The following FBXO21 variants were observed in gnomAD, a reference collection of about 807,000 sequenced individuals.
The protein encoded by FBXO21 is F-box protein 21.
In FBXO21, 32 loss-of-function variants were observed where a neutral mutation model predicts 76.6. The ratio of observed to expected loss-of-function variants is 0.42; its 90% CI spans 0.32 to 0.56. The LOEUF is 0.56. Among genes scored for constraint, FBXO21 ranks in the 20% least tolerant of loss-of-function variants. The probability of loss-of-function intolerance (pLI) is 0.16; values close to 1 mark genes in which losing one functional copy is unlikely to be tolerated. For synonymous variants in FBXO21, 328 were observed against 311.5 expected, an observed-to-expected ratio of 1.05 and a Z score of -0.56; for missense variants, 586 against 797.3, an observed-to-expected ratio of 0.73 and a Z score of 3.19.
At chr12:117,179,463 T>C (rs532889754) in intron 3 of FBXO21, among the ~76,000 whole-genome samples, 1 of 152,260 alleles carries the variant, frequency 6.6e-6, no homozygotes, top group African/African-American at 2.4e-5. Context: ...CTTTTTTTTT[T>C]CCCTTGCATT....
rs1482531416 is a variant in FBXO21, at chr12:117,155,940, T to G, written c.1526A>C (p.Tyr509Ser). The G allele has an allele frequency of 6.2e-7, 1 of 1,614,106 alleles. No homozygotes were observed. Among genetic ancestry groups the G allele is most frequent in the Admixed American group, 1.7e-5 (1 of 60,024 alleles). The change falls in exon 11 of 12, where the codon TAT becomes TCT. Residue 509 changes from tyrosine to serine, a missense_variant. This residue lies in a region of FBXO21 where 164 missense variants were observed against 236.7 expected (regional missense o/e 0.69). Transcript: ENST00000622495. ...GTCCCAGCCGTAGATCACACAGTTATAGCCATACCTAGTTAACACAGGAGG... is the reference window on the plus strand; with the variant it reads ...GTCCCAGCCGTAGATCACACAGTTAGAGCCATACCTAGTTAACACAGGAGG... ...GLIMKHKRYG[Y>S]NCVIYGWDPT...
At position 117,186,571 on chromosome 12, in the gene FBXO21, C is replaced by G; in HGVS notation, c.376G>C (p.Val126Leu). 2 of 1,603,782 alleles carry G rather than the reference C, an allele frequency of 1.2e-6. No homozygotes were observed. Among genetic ancestry groups the G allele is most frequent in the Non-Finnish European group, 1.7e-6 (2 of 1,174,042 alleles). The change falls in exon 3 of 12, where the codon GTT becomes CTT. Residue 126 changes from valine to leucine, a missense_variant and splice_region_variant. Physicochemically the swap from Val to Leu is conservative, Grantham distance 32. Coordinates refer to ENST00000622495, the MANE Select transcript of FBXO21 (RefSeq NM_015002.3). ...SFSKRFFSEH[V>L]PCNGFSDIEN... ...ATGTCACTGAAGCCATTACAAGGAA[C>G]CTATGAAGAAGACATATACAAGTAG...
chr12:117,161,167 C>G (rs971847275), intron 9 of FBXO21, among the ~76,000 whole-genome samples: 1 of 152,018 alleles, frequency 6.6e-6, no homozygotes, highest in Non-Finnish European at 1.5e-5. Flanking sequence ...ACACAGGAAC[C>G]AGGGAAGGGG....
At chr12:117,181,680 C>G (rs1452219621) in intron 3 of FBXO21, among the ~76,000 whole-genome samples, 1 of 151,968 alleles carries the variant, frequency 6.6e-6, no homozygotes, top group African/African-American at 2.4e-5. Flanking sequence ...GACAGAGTCT[C>G]ACTTTGCCAC....
At chr12:117,158,864 T>TAA (rs1955946209) in intron 9 of FBXO21, among the ~76,000 whole-genome samples, 1 of 152,210 alleles carries the variant, frequency 6.6e-6, no homozygotes, top group Non-Finnish European at 1.5e-5. Flanking sequence ...ACTCCACGTT[T>TAA]AAAAAGACAC....
At chr12:117,157,846 G>A in intron 10 of FBXO21, 27 bp downstream of exon 10, 3 of 1,569,680 alleles carry the variant, frequency 1.9e-6, no homozygotes, top group Non-Finnish European at 1.7e-6. Flanking sequence ...AACGGACACT[G>A]CAGGACAGAT....
At chr12:117,158,121 T>G (rs781698629) in intron 9 of FBXO21, 58 bp from the exon 10 acceptor site, 1 of 1,603,040 alleles carries the variant, frequency 6.2e-7, no homozygotes, top group Non-Finnish European at 8.5e-7. Context: ...CTTTTCTTTT[T>G]TGCGGCGAGG....
rs117696101 is a variant in FBXO21, at chr12:117,153,269, C to T, written c.1675+2522G>A. On this transcript the variant is annotated intron_variant, in intron 11 of 11. Transcript: ENST00000622495. The stretch of plus-strand genomic sequence containing the variant: ...AGTGGGTGTGTAGACAGATGTATCG[C>T]GAGGGCAAGGGGAGAAGAGCAAGAC... 2.6e-3 allele frequency among the ~76,000 whole-genome samples: 398 copies of T among 151,936 alleles called. 11 individuals are homozygous for T. The highest frequency in any genetic ancestry group is 0.025 in the East Asian group (128 of 5,152).
chr12:117,182,985 C>T (rs150573190), intron 3 of FBXO21, among the ~76,000 whole-genome samples: 1 of 152,032 alleles, frequency 6.6e-6, no homozygotes, highest in African/African-American at 2.4e-5. Flanking sequence ...CCTAACTACT[C>T]GGGAGGCTGA....
chr12:117,154,463 G>A (rs1955887091), intron 11 of FBXO21, among the ~76,000 whole-genome samples: 1 of 152,204 alleles, frequency 6.6e-6, no homozygotes, highest in African/African-American at 2.4e-5. Flanking sequence ...AGAGCACACT[G>A]TAGCCTTCAC....
Position 117,157,969 on chromosome 12 carries a change from C to G in FBXO21, c.1421G>C (p.Arg474Pro). The G allele has an allele frequency of 6.2e-7, 1 of 1,614,206 alleles. No homozygotes were observed. Among genetic ancestry groups the G allele is most frequent in the Non-Finnish European group, 8.5e-7 (1 of 1,180,036 alleles). Residue 474 changes from arginine (R) to proline (P), a missense_variant, in exon 10 of 12, where the codon CGC becomes CCC. Transcript: ENST00000622495. ...CTCTACGCCCACCTCCTCCTTTTTG[C>G]GCTCAATGTGCTCTAGAGTGTGCTG... is the stretch of plus-strand genomic sequence containing the variant. ...LVQHTLEHIE[R>P]KKEEVGVEVK...
chr12:117,164,449 G>A (rs1482197401), intron 9 of FBXO21, among the ~76,000 whole-genome samples: 1 of 151,854 alleles, frequency 6.6e-6, no homozygotes, highest in Non-Finnish European at 1.5e-5. Flanking sequence ...GCTAATTTTT[G>A]TACTTTAGTA....
intron 11 of FBXO21, among the ~76,000 whole-genome samples, chr12:117,147,167 GGGA>G (rs1413462556): frequency 6.6e-6 from 1 of 151,662 alleles, no homozygotes; most frequent in Non-Finnish European, 1.5e-5. Context: ...GCTTGAACCT[GGGA>G]GGAGGAGGTT....
At chr12:117,190,093 G>T (rs1426255018) in intron 1 of FBXO21, 125 bp downstream of exon 1, 2 of 341,566 alleles carry the variant, frequency 5.9e-6, no homozygotes, top group African/African-American at 2.2e-5. Context: ...CTGTCTGTCC[G>T]CGGGAAGGGG....
At chr12:117,172,330 A>G (rs1956125995) in intron 7 of FBXO21, 141 bp downstream of exon 7, 2 of 845,804 alleles carry the variant, frequency 2.4e-6, no homozygotes, top group Non-Finnish European at 3.6e-6. Flanking sequence ...TACAGCCAGG[A>G]AACAAAACAG....
rs753805100 is a variant in FBXO21, at chr12:117,190,326, C to G, written c.131G>C (p.Cys44Ser). ...PGEVLEYILC[C>S]GSLTAADIGR... Reference sequence around the variant, plus strand: ...GATGTCGGCGGCCGTCAGCGAGCCGCAGCACAGGATGTACTCCAGCACCTC... The same window carrying G: ...GATGTCGGCGGCCGTCAGCGAGCCGGAGCACAGGATGTACTCCAGCACCTC... The change falls in exon 1 of 12, where the codon TGC becomes TCC. Residue 44 changes from cysteine to serine, a missense_variant. Physicochemically the swap from Cys to Ser is moderately radical, Grantham distance 112 (BLOSUM62 -1). Coordinates refer to ENST00000622495, the MANE Select transcript of FBXO21 (RefSeq NM_015002.3). The G allele has an allele frequency of 6.5e-7, 1 of 1,540,730 alleles. No homozygotes were observed. The highest frequency in any genetic ancestry group is 1.2e-5 in the South Asian group (1 of 83,510).
chr12:117,188,395 A>C (rs1956307123), intron 2 of FBXO21, among the ~76,000 whole-genome samples: 1 of 152,110 alleles, frequency 6.6e-6, no homozygotes, highest in African/African-American at 2.4e-5. Flanking sequence ...AAATACAAAA[A>C]TTATCCAGGT....
At chr12:117,165,144 G>A (rs948949487) in intron 9 of FBXO21, among the ~76,000 whole-genome samples, 8 of 152,174 alleles carry the variant, frequency 5.3e-5, no homozygotes, top group African/African-American at 1.7e-4. Flanking sequence ...CAGTACAGCT[G>A]GAGGTTGACC....
chr12:117,174,097 A>T, intron 6 of FBXO21, 108 bp downstream of exon 6: 1 of 920,440 alleles, frequency 1.1e-6, no homozygotes, highest in Non-Finnish European at 1.7e-6. Flanking sequence ...TGATCGCGCC[A>T]CTGCATTCCA....
Sources: allele counts gnomAD v4.1 joint callset (sites outside exome capture counted in the v4.1 genomes callset), GRCh38; gene constraint gnomAD v4.1.1; regional missense constraint gnomAD v4.1.1; transcripts MANE v1.5; gene names NCBI Gene and HGNC (gene_info 2026-07-23, HGNC 2026-07-21).